The following GRK5 variants were observed in gnomAD, a reference collection of about 807,000 sequenced individuals.
GRK5 encodes G protein-coupled receptor kinase 5.
A neutral mutation model predicts 78.4 loss-of-function variants in GRK5; 40 were observed. The observed-to-expected ratio is 0.51, with a 90% CI of 0.40 to 0.66. The LOEUF (loss-of-function observed/expected upper bound fraction) is 0.66. GRK5 is among the 30% of genes least tolerant of loss of function. The probability of loss-of-function intolerance (pLI) is 0.00; values close to 1 mark genes in which losing one functional copy is unlikely to be tolerated. For synonymous variants in GRK5, 289 were observed against 296.8 expected, an observed-to-expected ratio of 0.97 and a Z score of 0.27; for missense variants, 598 against 759.9, an observed-to-expected ratio of 0.79 and a Z score of 2.50.
chr10:119,352,025 G>T (rs1336547521), intron 2 of GRK5, among the ~76,000 whole-genome samples: 1 of 152,214 alleles, frequency 6.6e-6, no homozygotes, highest in African/African-American at 2.4e-5. Context: ...CTTCCTAGGG[G>T]AGGTGGCCTC....
At chr10:119,356,752 G>T (rs1327096612) in intron 2 of GRK5, among the ~76,000 whole-genome samples, 1 of 152,162 alleles carries the variant, frequency 6.6e-6, no homozygotes, top group Non-Finnish European at 1.5e-5. Context: ...CAGCCCTTCT[G>T]TATGCTTCAG....
chr10:119,396,639 C>T (rs41284420), intron 3 of GRK5, 56 bp from the exon 4 acceptor site: 169,943 of 1,409,722 alleles, frequency 0.12, 11,364 homozygotes, highest in Middle Eastern at 0.17. Flanking sequence ...GGTTCTGTAA[C>T]TATAAGAAGC....
At chr10:119,251,621 G>A (rs1439424446) in intron 1 of GRK5, among the ~76,000 whole-genome samples, 1 of 152,224 alleles carries the variant, frequency 6.6e-6, no homozygotes, top group East Asian at 1.9e-4. Context: ...CTAAAGCGAT[G>A]ATGAAAGATG....
Position 119,366,280 on chromosome 10 carries a change from C to T in GRK5, c.149-14535C>T, listed in dbSNP as rs1312247287. On this transcript the variant is annotated intron_variant, in intron 2 of 15. Coordinates refer to ENST00000392870, the MANE Select transcript of GRK5 (RefSeq NM_005308.3). ...GTGAATAGCTTTCTCATGGCTGCTC[C>T]TGCTTTCATCAATTGCATATTTATT... Among the ~76,000 whole-genome samples, 8 of 152,164 alleles carry T rather than the reference C, an allele frequency of 5.3e-5. 1 individual carries two copies. Among genetic ancestry groups the T allele is most frequent in the African/African-American group, 1.9e-4 (8 of 41,434 alleles).
Position 119,459,217 on chromosome 10 carries a change from C to T in GRK5, c.*4150C>T, listed in dbSNP as rs1853445241. ...ATAGACCACGATTGCAAAGCCTCCT[C>T]TCCCAGAGACCCCTTCTGCGCCTGC... On this transcript the variant is annotated 3_prime_UTR_variant, in exon 16 of 16. Coordinates refer to ENST00000392870, the MANE Select transcript of GRK5 (RefSeq NM_005308.3). 6.6e-6 allele frequency: 1 copy of T among 152,302 alleles called. No homozygotes were observed. The highest frequency in any genetic ancestry group is 1.5e-5 in the Non-Finnish European group (1 of 68,068). 9.4% of individuals were successfully genotyped at this position (152,302 alleles called of 1,614,324 possible). A position where few individuals can be genotyped will look rare whatever the true frequency, so the allele number is the denominator to read the frequency against.
chr10:119,384,757 G>A (rs1336438666), intron 3 of GRK5, among the ~76,000 whole-genome samples: 1 of 152,192 alleles, frequency 6.6e-6, no homozygotes, highest in East Asian at 1.9e-4. Context: ...GCATGTGAGG[G>A]GCAGAGGTAG....
intron 1 of GRK5, chr10:119,208,741 T>G (rs1220450241): frequency 6.6e-6 from 1 of 152,114 alleles, no homozygotes; most frequent in African/African-American, 2.4e-5. Context: ...AAATGGAGTG[T>G]GTAAGATCCT....
At chr10:119,240,489 C>T (rs1235916588) in intron 1 of GRK5, among the ~76,000 whole-genome samples, 1 of 152,106 alleles carries the variant, frequency 6.6e-6, no homozygotes, top group East Asian at 1.9e-4. Context: ...GCATGAGCCA[C>T]CACGCCCGGC....
At chr10:119,288,150 G>T (rs73432815) in intron 1 of GRK5, among the ~76,000 whole-genome samples, 1,781 of 152,320 alleles carry the variant, frequency 0.012, 29 homozygotes, top group African/African-American at 0.04. Context: ...AGTGGTGTGG[G>T]CTCTGTTCCC....
chr10:119,341,738 T>A (rs1850984539), intron 2 of GRK5, among the ~76,000 whole-genome samples: 1 of 152,146 alleles, frequency 6.6e-6, no homozygotes, highest in Non-Finnish European at 1.5e-5. Flanking sequence ...ACTTGTAGAA[T>A]CTTGTTTAGA....
At chr10:119,239,230 CAGA>C (rs1848981151) in intron 1 of GRK5, among the ~76,000 whole-genome samples, 2 of 150,344 alleles carry the variant, frequency 1.3e-5, no homozygotes, top group Non-Finnish European at 3.0e-5. Context: ...CCTTAAGGAG[CAGA>C]AGGTTTTTTT....
chr10:119,414,344 T>A (rs1236018067), intron 4 of GRK5, among the ~76,000 whole-genome samples: 2 of 152,238 alleles, frequency 1.3e-5, no homozygotes, highest in Non-Finnish European at 2.9e-5. Flanking sequence ...GATGTTTTCC[T>A]CTACTGAAGT....
chr10:119,307,856 A>T (rs181146570), intron 1 of GRK5, among the ~76,000 whole-genome samples: 1 of 152,064 alleles, frequency 6.6e-6, no homozygotes, highest in Non-Finnish European at 1.5e-5. Context: ...CTCCTTGGCC[A>T]TTTCACAATT....
At chr10:119,290,394 G>C (rs1186497427) in intron 1 of GRK5, among the ~76,000 whole-genome samples, 1 of 148,906 alleles carries the variant, frequency 6.7e-6, no homozygotes, top group Non-Finnish European at 1.5e-5. Flanking sequence ...TTCTCCCTGT[G>C]GCCGTCACCT....
intron 2 of GRK5, among the ~76,000 whole-genome samples, chr10:119,360,736 T>G (rs901314557): frequency 1.3e-5 from 2 of 152,154 alleles, no homozygotes; most frequent in African/African-American, 4.8e-5. Flanking sequence ...GGTCTGTCCG[T>G]CCTCTTCCTC....
intron 1 of GRK5, among the ~76,000 whole-genome samples, chr10:119,261,822 A>T (rs1451483166): frequency 6.6e-6 from 1 of 152,134 alleles, no homozygotes; most frequent in Non-Finnish European, 1.5e-5. Context: ...TCAGGCAGGG[A>T]GGTTGCAGTG....
chr10:119,443,651 AAGG>A lies in GRK5; in HGVS notation c.1168_1170del (p.Glu390del). On this transcript the variant is annotated inframe_deletion, in exon 12 of 16. Transcript: ENST00000392870. ...GGGCCAGTCGCCGTTCCGCGGCCGC[AAGG>A]AGAAGGTGAAGCGGGAGGAGGTGGA... is the stretch of plus-strand genomic sequence containing the variant. 6.2e-7 allele frequency: 1 copy of A among 1,613,650 alleles called. No individual in the cohort carries two copies. Among genetic ancestry groups the A allele is most frequent in the Non-Finnish European group, 8.5e-7 (1 of 1,179,928 alleles).
intron 3 of GRK5, among the ~76,000 whole-genome samples, chr10:119,391,670 A>G (rs1851890556): frequency 6.6e-6 from 1 of 151,866 alleles, no homozygotes; most frequent in Admixed American, 6.6e-5. Context: ...AAACCACCCC[A>G]CCACTCCACC....
chr10:119,271,845 T>C lies in GRK5; in HGVS notation c.53-54671T>C, dbSNP rs1345649479. Among the ~76,000 whole-genome samples, 3 of 152,206 alleles carry C rather than the reference T, an allele frequency of 2.0e-5. No individual in the cohort carries two copies. Among genetic ancestry groups the C allele is most frequent in the Non-Finnish European group, 4.4e-5 (3 of 68,050 alleles). Reference sequence around the variant, plus strand: ...GCTTGCCTAATATGTGTGTGTTTCCTCATCTGTGAAGACAGCACTAACCTC... The same window carrying C: ...GCTTGCCTAATATGTGTGTGTTTCCCCATCTGTGAAGACAGCACTAACCTC... On this transcript the variant is annotated intron_variant, in intron 1 of 15. Coordinates refer to ENST00000392870, the MANE Select transcript of GRK5 (RefSeq NM_005308.3). The surrounding 1 kb of genome is among the most constrained non-coding windows in gnomAD (Gnocchi z 4.1).
Sources: gnomAD v4.1 joint callset for allele counts (sites outside exome capture counted in the v4.1 genomes callset) on GRCh38, gnomAD v4.1.1 for gene constraint, Gnocchi (gnomAD v3.1) non-coding constraint, MANE v1.5 for transcripts, NCBI Gene and HGNC (gene_info 2026-07-23, HGNC 2026-07-21) for gene names.